The following SUGCT variants were observed in gnomAD, a reference collection of about 807,000 sequenced individuals.
SUGCT encodes the protein succinyl-CoA:glutarate CoA-transferase.
In SUGCT, 41 loss-of-function variants were observed where a neutral mutation model predicts 55.0. That is an observed-to-expected ratio of 0.74 (90% CI 0.58 to 0.97). SUGCT has a LOEUF of 0.97. Ranked by LOEUF, SUGCT falls within the 50% of genes least tolerant of loss-of-function variation. The pLI is 0.00. For missense variants in SUGCT, 568 were observed against 547.8 expected (o/e 1.04, Z -0.37); for synonymous variants, 187 against 200.4 (o/e 0.93, Z 0.56).
intron 9 of SUGCT, among the ~76,000 whole-genome samples, chr7:40,421,186 C>T (rs938642908): frequency 1.3e-5 from 2 of 152,120 alleles, no homozygotes; most frequent in East Asian, 1.9e-4. Context: ...CTAGTGAGAC[C>T]GTTGGCACCC....
intron 12 of SUGCT, among the ~76,000 whole-genome samples, chr7:40,517,037 T>G (rs1793274216): frequency 6.6e-6 from 1 of 152,018 alleles, no homozygotes; most frequent in Non-Finnish European, 1.5e-5. Context: ...TAAGTAAGTC[T>G]TTCACTTCTT....
chr7:40,236,113 G>A (rs901901249), intron 6 of SUGCT, among the ~76,000 whole-genome samples: 3 of 151,714 alleles, frequency 2.0e-5, no homozygotes, highest in Non-Finnish European at 4.4e-5. Flanking sequence ...GCTGCAGTGC[G>A]GTGGTGCAAT....
At chr7:40,868,941 A>ACATT in the SUGCT span, among the ~76,000 whole-genome samples, 1 of 152,244 alleles carries the variant, frequency 6.6e-6, no homozygotes, top group Non-Finnish European at 1.5e-5. Context: ...ATTCCCATGT[A>ACATT]CATTCACCCA....
chr7:40,677,028 G>A (rs1177583824), intron 12 of SUGCT, among the ~76,000 whole-genome samples: 1 of 151,648 alleles, frequency 6.6e-6, no homozygotes, highest in African/African-American at 2.4e-5. Context: ...GTTCCGAAAC[G>A]TATGTATGGA....
At position 40,303,774 on chromosome 7, in the gene SUGCT, T is replaced by C. The variant is rs530283205; in HGVS notation, c.721-12986T>C. 1.4e-4 allele frequency among the ~76,000 whole-genome samples: 21 copies of C among 152,326 alleles called. No individual in the cohort carries two copies. In the East Asian group the frequency reaches 4.1e-3, roughly 29 times the overall value. The stretch of plus-strand genomic sequence containing the variant: ...ATTATATTCCATACTTCCATCGTTT[T>C]GTGCCACCTCTCTCCCCGTTTTGGA... On this transcript the variant is annotated intron_variant, in intron 8 of 13. Transcript: ENST00000335693.
chr7:40,183,520 T>G (rs1007139729), intron 3 of SUGCT, among the ~76,000 whole-genome samples: 2 of 152,026 alleles, frequency 1.3e-5, no homozygotes, highest in African/African-American at 2.4e-5. Context: ...AATAAAAATT[T>G]TTTTGTGTGT....
At chr7:40,761,301 T>C (rs1280111257) in intron 13 of SUGCT, among the ~76,000 whole-genome samples, 2 of 152,206 alleles carry the variant, frequency 1.3e-5, no homozygotes, top group East Asian at 3.9e-4. Context: ...ATAAAGTCAA[T>C]GGAGACCACG....
intron 11 of SUGCT, among the ~76,000 whole-genome samples, chr7:40,491,542 A>G (rs575966753): frequency 6.9e-4 from 105 of 152,254 alleles, no homozygotes; most frequent in Non-Finnish European, 1.3e-3. Flanking sequence ...TGATACTTAG[A>G]AAAAGGGAAC....
the SUGCT span, among the ~76,000 whole-genome samples, chr7:41,025,374 A>ATT: frequency 7.5e-5 from 11 of 146,812 alleles, no homozygotes; most frequent in African/African-American, 1.5e-4. Flanking sequence ...TCAATGTATG[A>ATT]TTTTTTTTTT....
intron 12 of SUGCT, among the ~76,000 whole-genome samples, chr7:40,651,876 C>G (rs1381659131): frequency 6.6e-6 from 1 of 151,972 alleles, no homozygotes; most frequent in African/African-American, 2.4e-5. Context: ...TATTTTAATT[C>G]TAATAATGGG....
chr7:40,664,902 C>T lies in SUGCT; in HGVS notation c.1090-84532C>T, dbSNP rs927618333. On this transcript the variant is annotated intron_variant, in intron 12 of 13. Coordinates refer to ENST00000335693, the MANE Select transcript of SUGCT (RefSeq NM_001193313.2). ...GGCTGAGGCAGGAGAATGGCGTGAA[C>T]CCGGGAGGCGTAGCTTGCAGTAAGC... Among the ~76,000 whole-genome samples the T allele has an allele frequency of 1.5e-4, 23 of 150,726 alleles. No homozygotes were observed. In the South Asian group the frequency reaches 4.6e-3, roughly 30 times the overall value.
intron 13 of SUGCT, chr7:40,782,802 A>G (rs766080526): frequency 6.6e-6 from 1 of 152,234 alleles, no homozygotes; most frequent in Non-Finnish European, 1.5e-5. Context: ...CAACAGGAGC[A>G]TAGAGGAACA....
chr7:40,254,923 T>G (rs113589406), intron 7 of SUGCT, among the ~76,000 whole-genome samples: 3,594 of 151,662 alleles, frequency 0.024, 121 homozygotes, highest in African/African-American at 0.081. Context: ...ACAATAGTAA[T>G]GAAAGGATAT....
At chr7:40,583,438 G>GA (rs1473380272) in intron 12 of SUGCT, among the ~76,000 whole-genome samples, 1 of 151,640 alleles carries the variant, frequency 6.6e-6, no homozygotes, top group Non-Finnish European at 1.5e-5. Context: ...AGTGATCATT[G>GA]AAAATCACAT....
chr7:40,269,405 A>G (rs922975728), intron 7 of SUGCT, among the ~76,000 whole-genome samples: 1 of 152,034 alleles, frequency 6.6e-6, no homozygotes, highest in Non-Finnish European at 1.5e-5. Flanking sequence ...TCACTGCAAC[A>G]TCCACCTCCT....
chr7:40,724,648 T>A (rs1786522014), intron 12 of SUGCT, among the ~76,000 whole-genome samples: 1 of 151,408 alleles, frequency 6.6e-6, no homozygotes, highest in Non-Finnish European at 1.5e-5. Context: ...ACTGTTCTTT[T>A]TCTGAAATCA....
the SUGCT span, among the ~76,000 whole-genome samples, chr7:40,868,055 C>T: frequency 6.6e-5 from 10 of 152,264 alleles, no homozygotes; most frequent in Non-Finnish European, 1.3e-4. Context: ...TATTTTACTA[C>T]TCATAGTGTC....
At chr7:40,587,158 A>T (rs970857735) in intron 12 of SUGCT, among the ~76,000 whole-genome samples, 12 of 152,240 alleles carry the variant, frequency 7.9e-5, no homozygotes, top group Admixed American at 7.8e-4. Context: ...GATTAACTAT[A>T]AAGAGACACA....
At chr7:41,028,515 T>C in the SUGCT span, among the ~76,000 whole-genome samples, 136 of 152,212 alleles carry the variant, frequency 8.9e-4, 1 homozygote, top group African/African-American at 3.1e-3. Flanking sequence ...TACACAAACC[T>C]AGGAGGCAGA....
Sources: gnomAD v4.1 joint callset for allele counts (sites outside exome capture counted in the v4.1 genomes callset) on GRCh38, gnomAD v4.1.1 for gene constraint, MANE v1.5 for transcripts, NCBI Gene and HGNC (gene_info 2026-07-23, HGNC 2026-07-21) for gene names.